UBE2V1: variants seen among roughly 807,000 people sequenced by gnomAD.
The protein encoded by UBE2V1 is ubiquitin conjugating enzyme E2 V1, also known as ubiquitin-conjugating enzyme E2 variant 1.
A neutral mutation model predicts 19.6 loss-of-function variants in UBE2V1; 15 were observed. The observed-to-expected ratio is 0.77, with a 90% CI of 0.51 to 1.18. The LOEUF (loss-of-function observed/expected upper bound fraction) is 1.18. Ranked by LOEUF, UBE2V1 falls within the 50% of genes most tolerant of loss-of-function variation. UBE2V1 has a pLI of 0.00. For synonymous variants in UBE2V1, 60 were observed against 60.7 expected, an observed-to-expected ratio of 0.99 and a Z score of 0.05; for missense variants, 125 against 184.8, an observed-to-expected ratio of 0.68 and a Z score of 1.88.
chr20:50,109,846 GA>G (rs1226889715), intron 1 of UBE2V1, among the ~76,000 whole-genome samples: 1 of 151,252 alleles, frequency 6.6e-6, no homozygotes, highest in African/African-American at 2.4e-5. Context: ...AGCACAATAT[GA>G]AGCTGTTCTT....
intron 1 of UBE2V1, chr20:50,109,049 C>G (rs2080572695): frequency 1.0e-6 from 1 of 985,436 alleles, no homozygotes; most frequent in Non-Finnish European, 1.2e-6. Flanking sequence ...TCACCAGTCT[C>G]CCTTGGCTTT....
upstream of UBE2V1, among the ~76,000 whole-genome samples, chr20:50,113,766 A>AATTC (rs67186246): frequency 0.21 from 28,484 of 132,752 alleles, 2,742 homozygotes; most frequent in Middle Eastern, 0.28. Flanking sequence ...CCATCTACCC[A>AATTC]ATTCATTCAT....
chr20:50,084,337 C>T lies in UBE2V1; in HGVS notation c.172-83G>A, dbSNP rs771734337. 15 of 1,603,404 alleles carry T rather than the reference C, an allele frequency of 9.4e-6. No individual in the cohort carries two copies. The South Asian group carries it at 1.5e-4, about 16-fold the overall frequency. On this transcript the variant is annotated intron_variant, in intron 2 of 3. Transcript: ENST00000371674. ...AGAGCTTGTGAAACCCCATTTATCCCTGACTGTAGAACTGGTACATCTGCT... is the reference window on the plus strand; with the variant it reads ...AGAGCTTGTGAAACCCCATTTATCCTTGACTGTAGAACTGGTACATCTGCT...
chr20:50,082,671 CTACAAGACG>C lies in UBE2V1; in HGVS notation c.*88_*96del. Reference sequence around the variant, plus strand: ...AGCTTCCTTTCCGGTACTTTGAGGTCTACAAGACGTATCTAGAAAATTTACTACTGTGGA... The same window carrying C: ...AGCTTCCTTTCCGGTACTTTGAGGTCTATCTAGAAAATTTACTACTGTGGA... On this transcript the variant is annotated 3_prime_UTR_variant, in exon 4 of 4. Transcript: ENST00000371674. 6.5e-7 allele frequency: 1 copy of C among 1,537,098 alleles called. No homozygotes were observed. Among genetic ancestry groups the C allele is most frequent in the Non-Finnish European group, 8.7e-7 (1 of 1,152,190 alleles).
intron 2 of UBE2V1, among the ~76,000 whole-genome samples, chr20:50,092,237 G>A (rs146041558): frequency 0.011 from 1,658 of 152,218 alleles, 10 homozygotes; most frequent in Non-Finnish European, 0.018. Flanking sequence ...CAGGAGAATC[G>A]CTTGAACCCG....
Position 50,082,621 on chromosome 20 carries a change from TTAAGA to T in UBE2V1, c.*142_*146del. ...AAAAATTAGTATCATTTACAGTATC[TTAAGA>T]TAAATTTCCTTTGAATGGGAGCTTC... On this transcript the variant is annotated 3_prime_UTR_variant, in exon 4 of 4. Transcript: ENST00000371674. 3.6e-6 allele frequency: 5 copies of T among 1,379,648 alleles called. No homozygotes were observed. The highest frequency in any genetic ancestry group is 4.8e-6 in the Non-Finnish European group (5 of 1,045,004). The allele number at this position is 1,379,648 out of a possible 1,614,324, so 85.5% of individuals were successfully genotyped here. A position where few individuals can be genotyped will look rare whatever the true frequency, so the allele number is the denominator to read the frequency against.
At chr20:50,100,774 T>G (rs541613701) in intron 1 of UBE2V1, among the ~76,000 whole-genome samples, 4 of 152,226 alleles carry the variant, frequency 2.6e-5, no homozygotes, top group Admixed American at 6.5e-5. Context: ...GGACTATTTA[T>G]AGTAGGACTA....
intron 2 of UBE2V1, among the ~76,000 whole-genome samples, chr20:50,090,878 A>C (rs772835005): frequency 6.6e-6 from 1 of 152,212 alleles, no homozygotes; most frequent in Non-Finnish European, 1.5e-5. Flanking sequence ...TACACAATGT[A>C]TATCAAATCA....
At position 50,082,850 on chromosome 20, in the gene UBE2V1, A is replaced by G. The variant is rs1395736346; in HGVS notation, c.362T>C (p.Leu121Pro). ...WQNSYSIKVVLQELRRLMMSK... is the reference protein window; with the variant it reads ...WQNSYSIKVVPQELRRLMMSK... The stretch of plus-strand genomic sequence containing the variant: ...CATCATTAGGCGCCGAAGCTCTTGC[A>G]GGACAACTTTGATGCTATATGAATT... Residue 121 changes from leucine (L) to proline (P), a missense_variant, in exon 4 of 4, where the codon CTG becomes CCG. By Grantham distance (98) the Leu-to-Pro change is moderately conservative. Transcript: ENST00000371674. 2 of 1,613,200 alleles carry G rather than the reference A, an allele frequency of 1.2e-6. No homozygotes were observed. The highest frequency in any genetic ancestry group is 8.5e-7 in the Non-Finnish European group (1 of 1,179,860).
At chr20:50,102,921 T>C (rs1402490521) in intron 1 of UBE2V1, among the ~76,000 whole-genome samples, 1 of 152,230 alleles carries the variant, frequency 6.6e-6, no homozygotes, top group Non-Finnish European at 1.5e-5. Flanking sequence ...GCCTTTGTAT[T>C]TGTGAGTCCC....
intron 2 of UBE2V1, chr20:50,095,274 A>G (rs1275239841): frequency 6.6e-6 from 1 of 152,250 alleles, no homozygotes; most frequent in African/African-American, 2.4e-5. Context: ...GCAGTGAAGA[A>G]GATGTCAGCA....
At chr20:50,083,297 C>G (rs1211812118) in intron 3 of UBE2V1, among the ~76,000 whole-genome samples, 1 of 152,178 alleles carries the variant, frequency 6.6e-6, no homozygotes, top group African/African-American at 2.4e-5. Flanking sequence ...TACGGACAGC[C>G]AAGGCAAAGG....
chr20:50,090,972 T>C (rs1484451461), intron 2 of UBE2V1, among the ~76,000 whole-genome samples: 1 of 152,216 alleles, frequency 6.6e-6, no homozygotes, highest in Non-Finnish European at 1.5e-5. Context: ...GCTGGTATGA[T>C]TTCTCTTTTC....
chr20:50,109,251 T>A, intron 1 of UBE2V1: 1 of 565,468 alleles, frequency 1.8e-6, no homozygotes, highest in Non-Finnish European at 2.2e-6. Flanking sequence ...ACTGTGCCCC[T>A]TCAAAATTAA....
intron 2 of UBE2V1, among the ~76,000 whole-genome samples, chr20:50,085,803 C>T (rs2078880934): frequency 6.6e-6 from 1 of 152,194 alleles, no homozygotes; most frequent in African/African-American, 2.4e-5. Flanking sequence ...CCCTCTTCCT[C>T]CTCAGTGAAT....
intron 3 of UBE2V1, 75 bp from the exon 4 acceptor site, chr20:50,082,989 G>T: frequency 6.4e-7 from 1 of 1,574,122 alleles, no homozygotes; most frequent in South Asian, 1.1e-5. Context: ...GTTAAGCTAA[G>T]GTGCAAACTG....
At position 50,113,072 on chromosome 20, in the gene UBE2V1, C is replaced by T. The variant is rs144962025; in HGVS notation, c.22+35G>A. On this transcript the variant is annotated intron_variant, in intron 1 of 3. Transcript: ENST00000371674. The stretch of plus-strand genomic sequence containing the variant: ...CCCGGCCCCCGGCCCAAGCCCATGC[C>T]CCCTCGGCCGGCCGGGCCCGGCGCC... 4.6e-3 allele frequency: 4,706 copies of T among 1,026,070 alleles called. 101 individuals are homozygous for T. The African/African-American group carries it at 0.052, about 11-fold the overall frequency. 63.6% of individuals were successfully genotyped at this position (1,026,070 alleles called of 1,614,324 possible).
chr20:50,104,026 G>C (rs974371511), intron 1 of UBE2V1, among the ~76,000 whole-genome samples: 1 of 151,460 alleles, frequency 6.6e-6, no homozygotes, highest in Non-Finnish European at 1.5e-5. Context: ...GCTCATGCCT[G>C]TAATCCCAGC....
intron 1 of UBE2V1, chr20:50,104,239 G>C (rs1434109169): frequency 5.6e-6 from 5 of 900,622 alleles, no homozygotes; most frequent in Non-Finnish European, 6.5e-6. Context: ...CCGAGATCGC[G>C]CCACGGCACT....
Sources: gnomAD v4.1 joint callset for allele counts (sites outside exome capture counted in the v4.1 genomes callset) on GRCh38, gnomAD v4.1.1 for gene constraint, MANE v1.5 for transcripts, NCBI Gene and HGNC (gene_info 2026-07-23, HGNC 2026-07-21) for gene names.